CALN1: variants seen among roughly 807,000 people sequenced by gnomAD.
CALN1 encodes calcium-binding protein 8.
Under a neutral mutation model 30.6 loss-of-function variants are expected in CALN1, and 17 were observed. The ratio of observed to expected loss-of-function variants is 0.56; its 90% CI spans 0.38 to 0.83. The LOEUF (loss-of-function observed/expected upper bound fraction) is 0.83. Ranked by LOEUF, CALN1 falls within the 40% of genes least tolerant of loss-of-function variation. The pLI, the probability that CALN1 is intolerant of heterozygous loss-of-function variation, is 0.00. For missense variants in CALN1, 291 were observed against 354.9 expected, an observed-to-expected ratio of 0.82 and a Z score of 1.45; for synonymous variants, 156 against 131.4, an observed-to-expected ratio of 1.19 and a Z score of -1.28.
chr7:71,882,697 T>C (rs1203929038), intron 5 of CALN1, among the ~76,000 whole-genome samples: 19 of 152,150 alleles, frequency 1.2e-4, no homozygotes, highest in Admixed American at 1.2e-3. Flanking sequence ...AAAACAACTT[T>C]TTAAGAGATG....
At chr7:71,884,317 C>A (rs1179577989) in intron 5 of CALN1, among the ~76,000 whole-genome samples, 2 of 152,160 alleles carry the variant, frequency 1.3e-5, no homozygotes, top group Non-Finnish European at 2.9e-5. Context: ...CTTCCACATG[C>A]AGTCCTGGAG....
intron 2 of CALN1, among the ~76,000 whole-genome samples, chr7:72,377,443 G>A (rs1050024816): frequency 4.5e-5 from 4 of 88,264 alleles, no homozygotes; most frequent in Middle Eastern, 6.0e-3. Flanking sequence ...TTTCGTGTGT[G>A]TGTGTGTGTG....
At chr7:71,886,209 G>A (rs561448864) in intron 5 of CALN1, among the ~76,000 whole-genome samples, 6 of 152,356 alleles carry the variant, frequency 3.9e-5, no homozygotes, top group Admixed American at 2.0e-4. Flanking sequence ...TTGCCCCACC[G>A]CCGCAAGGCG....
At chr7:72,359,722 T>C (rs1017926252) in intron 2 of CALN1, among the ~76,000 whole-genome samples, 1 of 152,024 alleles carries the variant, frequency 6.6e-6, no homozygotes. Context: ...ACGCCTGTAA[T>C]CTCAGCACTT....
At position 72,383,999 on chromosome 7, in the gene CALN1, CAT is replaced by C. The variant is rs533314628; in HGVS notation, c.119+19250_119+19251del. ...ATTCTACTATAAAGACACGTGCACC[CAT>C]ATGTTTATTGCAGCACTATTTACAA... On this transcript the variant is annotated intron_variant, in intron 2 of 6. Coordinates refer to ENST00000395275, the MANE Select transcript of CALN1 (RefSeq NM_031468.4). 1.6e-4 allele frequency among the ~76,000 whole-genome samples: 25 copies of C among 152,284 alleles called. No individual in the cohort carries two copies. In the South Asian group the frequency reaches 2.9e-3, roughly 18 times the overall value.
intron 2 of CALN1, among the ~76,000 whole-genome samples, chr7:72,385,980 G>A (rs1228699616): frequency 6.6e-6 from 1 of 152,072 alleles, no homozygotes; most frequent in Non-Finnish European, 1.5e-5. Context: ...ACAAAGACAC[G>A]GATTGATCTT....
At chr7:71,836,693 C>T (rs542409015) in intron 5 of CALN1, among the ~76,000 whole-genome samples, 1 of 150,494 alleles carries the variant, frequency 6.6e-6, no homozygotes, top group East Asian at 2.0e-4. Context: ...TCCTGGCTCA[C>T]TGCAACCTCC....
At chr7:72,104,944 G>C (rs951385777) in intron 4 of CALN1, among the ~76,000 whole-genome samples, 5 of 151,676 alleles carry the variant, frequency 3.3e-5, no homozygotes, top group African/African-American at 1.2e-4. Flanking sequence ...GCGACAGAGA[G>C]AGACTCCGTC....
chr7:72,123,998 GA>G, intron 3 of CALN1, among the ~76,000 whole-genome samples: 1 of 152,270 alleles, frequency 6.6e-6, no homozygotes, highest in African/African-American at 2.4e-5. Flanking sequence ...GGGCAGCTCA[GA>G]AAAGTGGAAA....
intron 3 of CALN1, among the ~76,000 whole-genome samples, chr7:72,204,634 C>T (rs1443195174): frequency 6.6e-6 from 1 of 152,204 alleles, no homozygotes; most frequent in Non-Finnish European, 1.5e-5. Context: ...ATTAAACAAT[C>T]TGTGCCTGTT....
chr7:72,446,085 A>C (rs1808518676), intron 1 of CALN1, among the ~76,000 whole-genome samples: 1 of 152,100 alleles, frequency 6.6e-6, no homozygotes, highest in Non-Finnish European at 1.5e-5. Flanking sequence ...CCCAGAGATG[A>C]CTGTCACTCA....
At chr7:71,788,488 G>GTTTTTT (rs1454582383) in intron 6 of CALN1, among the ~76,000 whole-genome samples, 2 of 120,452 alleles carry the variant, frequency 1.7e-5, no homozygotes, top group Non-Finnish European at 3.4e-5. Flanking sequence ...GTTTTTTTTT[G>GTTTTTT]TTGTTTTTTT....
At chr7:72,454,924 C>T in the CALN1 span, among the ~76,000 whole-genome samples, 8 of 152,038 alleles carry the variant, frequency 5.3e-5, no homozygotes, top group Admixed American at 2.0e-4. Context: ...CCCCACCTCC[C>T]GGGTTCAAGT....
chr7:72,152,735 T>C (rs1178621481), intron 3 of CALN1, among the ~76,000 whole-genome samples: 1 of 150,968 alleles, frequency 6.6e-6, no homozygotes, highest in African/African-American at 2.4e-5. Context: ...AGGATTAGAG[T>C]TTTTCCTAGT....
At chr7:71,907,239 A>AACACACACACACACAC (rs71531773) in intron 5 of CALN1, among the ~76,000 whole-genome samples, 2,007 of 147,804 alleles carry the variant, frequency 0.014, 53 homozygotes, top group African/African-American at 0.048. Context: ...ATGAGGTTTA[A>AACACACACACACACAC]ACACACACAC....
intron 2 of CALN1, among the ~76,000 whole-genome samples, chr7:72,400,388 G>A (rs1476727370): frequency 1.3e-5 from 2 of 152,106 alleles, no homozygotes; most frequent in Non-Finnish European, 2.9e-5. Flanking sequence ...ATCTTCATAT[G>A]GACAGAGAAA....
intron 2 of CALN1, among the ~76,000 whole-genome samples, chr7:72,286,942 T>C (rs766253978): frequency 6.6e-6 from 1 of 152,014 alleles, no homozygotes. Context: ...AGAAGAGATA[T>C]CAAGACAAAA....
chr7:72,434,082 A>G (rs1249768946), intron 1 of CALN1, among the ~76,000 whole-genome samples: 1 of 151,810 alleles, frequency 6.6e-6, no homozygotes, highest in African/African-American at 2.4e-5. Context: ...AAAAAACTGC[A>G]TATTGGATTT....
At chr7:72,475,563 G>A in the CALN1 span, among the ~76,000 whole-genome samples, 21,179 of 152,192 alleles carry the variant, frequency 0.14, 3,097 homozygotes, top group African/African-American at 0.37. Flanking sequence ...CTGATGCATA[G>A]CTTTAATTGT....
Sources: gnomAD v4.1 joint callset for allele counts (sites outside exome capture counted in the v4.1 genomes callset) on GRCh38, gnomAD v4.1.1 for gene constraint, MANE v1.5 for transcripts, NCBI Gene and HGNC (gene_info 2026-07-23, HGNC 2026-07-21) for gene names.